The following USP13 variants were observed in gnomAD, a reference collection of about 807,000 sequenced individuals.
The protein encoded by USP13 is ubiquitin carboxyl-terminal hydrolase 13.
USP13 carries 68 observed loss-of-function variants against 107.8 expected under a neutral mutation model. The observed-to-expected ratio is 0.63, with a 90% CI of 0.52 to 0.77. USP13 has a LOEUF of 0.77. Among genes scored for constraint, USP13 ranks in the 30% least tolerant of loss-of-function variants. The probability of loss-of-function intolerance (pLI) is 0.00; values close to 1 mark genes in which losing one functional copy is unlikely to be tolerated. For missense variants in USP13, 945 were observed against 1,093.3 expected (o/e 0.86, Z 1.91); for synonymous variants, 377 against 389.5 (o/e 0.97, Z 0.38).
At chr3:179,767,414 G>C (rs770341076) in intron 19 of USP13, among the ~76,000 whole-genome samples, 1 of 150,432 alleles carries the variant, frequency 6.6e-6, no homozygotes, top group Non-Finnish European at 1.5e-5. Context: ...GTAATGCATT[G>C]TTAGTTTTTT....
At chr3:179,766,161 G>T (rs1006677921) in intron 19 of USP13, among the ~76,000 whole-genome samples, 2 of 151,996 alleles carry the variant, frequency 1.3e-5, no homozygotes, top group African/African-American at 2.4e-5. Context: ...TGTATTTTTA[G>T]TAGAGACGGG....
intron 13 of USP13, among the ~76,000 whole-genome samples, chr3:179,746,782 C>T (rs1056889934): frequency 1.3e-5 from 2 of 151,998 alleles, no homozygotes; most frequent in African/African-American, 4.8e-5. Context: ...CCAGGCTGAT[C>T]TGGAACTCCT....
At chr3:179,771,408 T>C (rs1405559676) in intron 19 of USP13, among the ~76,000 whole-genome samples, 1 of 152,200 alleles carries the variant, frequency 6.6e-6, no homozygotes, top group Non-Finnish European at 1.5e-5. Context: ...TTCCATCCTC[T>C]CACCTGAGCT....
At chr3:179,659,979 GT>G (rs1228486788) in intron 1 of USP13, among the ~76,000 whole-genome samples, 6 of 152,190 alleles carry the variant, frequency 3.9e-5, no homozygotes, top group Non-Finnish European at 8.8e-5. Context: ...GGAGGCAGAG[GT>G]TGCAGTGAGC....
In USP13 at chr3:179,742,491, T is replaced by C; in HGVS notation, c.1534+141T>C. ...TGTCTGCTTTGCACATCTCTTTTCA[T>C]CTCTTTGTTAGTTCCCATGTGACTT... On this transcript the variant is annotated intron_variant, in intron 12 of 20. Coordinates refer to ENST00000263966, the MANE Select transcript of USP13 (RefSeq NM_003940.3). This position sits in a 1 kb window ranked among gnomAD's most constrained non-coding sequence, Gnocchi z 5.0. 1 of 1,063,660 alleles carries C rather than the reference T, an allele frequency of 9.4e-7. No individual in the cohort carries two copies. Among genetic ancestry groups the C allele is most frequent in the Non-Finnish European group, 1.3e-6 (1 of 745,014 alleles). The allele number at this position is 1,063,660 out of a possible 1,614,324, so 65.9% of individuals were successfully genotyped here. A position where few individuals can be genotyped will look rare whatever the true frequency, so the allele number is the denominator to read the frequency against.
Position 179,784,477 on chromosome 3 carries a change from G to A in USP13, c.*336G>A, listed in dbSNP as rs573431049. The A allele has an allele frequency of 5.8e-4, 113 of 194,682 alleles. No individual in the cohort carries two copies. Among genetic ancestry groups the A allele is most frequent in the African/African-American group, 2.5e-3 (106 of 42,610 alleles). The allele number at this position is 194,682 out of a possible 1,614,324, so 12.1% of individuals were successfully genotyped here. A position where few individuals can be genotyped will look rare whatever the true frequency, so the allele number is the denominator to read the frequency against. On this transcript the variant is annotated 3_prime_UTR_variant, in exon 21 of 21. Coordinates refer to ENST00000263966, the MANE Select transcript of USP13 (RefSeq NM_003940.3). ...GCCCCCAGCCCTCTATTTTGCTTTGGGGGTCAGTGATAGTGGCCTCTGGAG... is the reference window on the plus strand; with the variant it reads ...GCCCCCAGCCCTCTATTTTGCTTTGAGGGTCAGTGATAGTGGCCTCTGGAG...
intron 4 of USP13, among the ~76,000 whole-genome samples, chr3:179,704,322 T>C (rs555402116): frequency 1.3e-5 from 2 of 152,200 alleles, no homozygotes; most frequent in East Asian, 3.9e-4. Context: ...AAAGATCTAG[T>C]AGGGGTGGAG....
At position 179,721,979 on chromosome 3, in the gene USP13, T is replaced by A. The variant is rs1713338896; in HGVS notation, c.1088+390T>A. ...AGCTACTCAGGAGGCTGAGGCAGGA[T>A]CACTTGAACTCAGGAGGCAGAGGTT... On this transcript the variant is annotated intron_variant, in intron 8 of 20. Transcript: ENST00000263966. This position sits in a 1 kb window ranked among gnomAD's most constrained non-coding sequence, Gnocchi z 4.3. 1.3e-5 allele frequency among the ~76,000 whole-genome samples: 2 copies of A among 149,800 alleles called. No individual in the cohort carries two copies. Among genetic ancestry groups the A allele is most frequent in the African/African-American group, 2.5e-5 (1 of 40,324 alleles).
At chr3:179,671,641 T>C (rs1205802344) in intron 1 of USP13, among the ~76,000 whole-genome samples, 2 of 152,232 alleles carry the variant, frequency 1.3e-5, no homozygotes, top group African/African-American at 4.8e-5. Flanking sequence ...TGAAGAGTGT[T>C]ACATTTCATG....
intron 6 of USP13, among the ~76,000 whole-genome samples, chr3:179,717,905 G>T (rs1347462092): frequency 6.6e-6 from 1 of 151,990 alleles, no homozygotes; most frequent in Non-Finnish European, 1.5e-5. Context: ...ATGGGCCTCT[G>T]GGGGAAGAGG....
chr3:179,751,686 C>T (rs1332833978), intron 13 of USP13, among the ~76,000 whole-genome samples: 1 of 151,950 alleles, frequency 6.6e-6, no homozygotes, highest in Non-Finnish European at 1.5e-5. Context: ...TAGAACACCA[C>T]AGCAAAGTAA....
chr3:179,708,330 A>G (rs183815574), intron 5 of USP13, among the ~76,000 whole-genome samples: 1 of 149,782 alleles, frequency 6.7e-6, no homozygotes, highest in Admixed American at 6.7e-5. Context: ...TTTTTGAGAC[A>G]GAGTCTTGCT....
intron 6 of USP13, among the ~76,000 whole-genome samples, 186 bp from the exon 7 acceptor site, chr3:179,719,754 C>CA (rs1354585904): frequency 6.6e-6 from 1 of 152,086 alleles, no homozygotes; most frequent in Non-Finnish European, 1.5e-5. Flanking sequence ...GGTATATTTA[C>CA]AAAAAATGCC....
chr3:179,775,709 G>T (rs1425597147), intron 19 of USP13, among the ~76,000 whole-genome samples: 1 of 152,230 alleles, frequency 6.6e-6, no homozygotes, highest in Non-Finnish European at 1.5e-5. Context: ...GTGCCAGCAG[G>T]CTGGCACTGC....
chr3:179,657,606 A>G (rs1001267564), intron 1 of USP13, among the ~76,000 whole-genome samples: 3 of 151,370 alleles, frequency 2.0e-5, no homozygotes, highest in Non-Finnish European at 2.9e-5. Flanking sequence ...ACTAAAAAAA[A>G]TACAAAAATC....
intron 6 of USP13, among the ~76,000 whole-genome samples, chr3:179,713,873 T>C (rs1360777299): frequency 1.3e-5 from 2 of 152,198 alleles, no homozygotes; most frequent in African/African-American, 4.8e-5. Context: ...CTGCTACTCA[T>C]CCTTGAGGTC....
intron 6 of USP13, among the ~76,000 whole-genome samples, chr3:179,718,668 C>G (rs760836160): frequency 3.3e-4 from 51 of 152,340 alleles, no homozygotes; most frequent in Non-Finnish European, 5.0e-4. Flanking sequence ...GAAAACCAAA[C>G]AGTCCTCCAA....
chr3:179,654,442 C>T (rs533220012), intron 1 of USP13, among the ~76,000 whole-genome samples: 1 of 152,204 alleles, frequency 6.6e-6, no homozygotes, highest in South Asian at 2.1e-4. Context: ...GCCTTCCACC[C>T]GGGGCGGTTG....
Position 179,699,450 on chromosome 3 carries a change from G to A in USP13, c.356-1558G>A, listed in dbSNP as rs578186229. Among the ~76,000 whole-genome samples the A allele has an allele frequency of 7.9e-5, 12 of 152,060 alleles. No homozygotes were observed. In the East Asian group the frequency reaches 1.9e-3, roughly 25 times the overall value. On this transcript the variant is annotated intron_variant, in intron 3 of 20. Coordinates refer to ENST00000263966, the MANE Select transcript of USP13 (RefSeq NM_003940.3). ...ATTGAAACCAGGCGTGGTGATTCAC[G>A]CCTTTAATCCCAGCATTTTGAGATG... is the stretch of plus-strand genomic sequence containing the variant.
Sources: allele counts gnomAD v4.1 joint callset (sites outside exome capture counted in the v4.1 genomes callset), GRCh38; gene constraint gnomAD v4.1.1; non-coding constraint Gnocchi (gnomAD v3.1); transcripts MANE v1.5; gene names NCBI Gene and HGNC (gene_info 2026-07-23, HGNC 2026-07-21).